Variants in CLASP1 observed in about 807,000 individuals in gnomAD.
CLASP1 encodes the protein CLIP-associating protein 1.
CLASP1 carries 38 observed loss-of-function variants against 192.3 expected under a neutral mutation model. The observed-to-expected ratio is 0.20, with a 90% CI of 0.15 to 0.26. The LOEUF (loss-of-function observed/expected upper bound fraction) is 0.26. CLASP1 is among the 10% of genes least tolerant of loss of function. The pLI, the probability that CLASP1 is intolerant of heterozygous loss-of-function variation, is 1.00. For synonymous variants in CLASP1, 691 were observed against 712.8 expected (o/e 0.97, Z 0.49); for missense variants, 1,433 against 1,932.5 (o/e 0.74, Z 4.85).
rs1403509574 is a variant in CLASP1 at position 121,629,007 on chromosome 2, A to G, written c.-286+20365T>C. Among the ~76,000 whole-genome samples, 4 of 151,992 alleles carry G rather than the reference A, an allele frequency of 2.6e-5. No individual in the cohort carries two copies. The East Asian group carries it at 7.7e-4, about 29-fold the overall frequency. On this transcript the variant is annotated intron_variant, in intron 1 of 39. Transcript: ENST00000263710. ...TTTGGTCATCCTTTTTTAATGAAAT[A>G]ATCCTAAATGTTAACGAACAGGGAA...
At chr2:121,365,427 C>T (rs368224720) in intron 35 of CLASP1, 143 bp from the exon 37 acceptor site, 11 of 769,274 alleles carry the variant, frequency 1.4e-5, no homozygotes, top group South Asian at 1.3e-4. Flanking sequence ...CCACCCTCCG[C>T]CCTGCTTCGC....
chr2:121,571,320 T>A (rs980163819), intron 2 of CLASP1, among the ~76,000 whole-genome samples: 2 of 152,036 alleles, frequency 1.3e-5, no homozygotes, highest in Non-Finnish European at 2.9e-5. Context: ...GGATTGTAGG[T>A]GTGTGCCACC....
chr2:121,348,302 G>A (rs1197085581), intron 38 of CLASP1, among the ~76,000 whole-genome samples: 1 of 152,194 alleles, frequency 6.6e-6, no homozygotes, highest in African/African-American at 2.4e-5. Context: ...GAGCTGCCAG[G>A]AAAGCATTCT....
chr2:121,352,801 G>A (rs1230532444), intron 37 of CLASP1, among the ~76,000 whole-genome samples: 5 of 151,916 alleles, frequency 3.3e-5, no homozygotes, highest in East Asian at 1.9e-4. Context: ...TTACAGGTGC[G>A]TGCCACCACA....
chr2:121,376,300 C>T (rs2070113272), intron 34 of CLASP1, among the ~76,000 whole-genome samples: 1 of 152,176 alleles, frequency 6.6e-6, no homozygotes, highest in Admixed American at 6.5e-5. Context: ...CAAATGAATG[C>T]ATAAAGCAAA....
At chr2:121,571,321 G>A (rs927268467) in intron 2 of CLASP1, among the ~76,000 whole-genome samples, 1 of 152,048 alleles carries the variant, frequency 6.6e-6, no homozygotes, top group Non-Finnish European at 1.5e-5. Flanking sequence ...GATTGTAGGT[G>A]TGTGCCACCA....
intron 19 of CLASP1, among the ~76,000 whole-genome samples, chr2:121,438,476 G>A (rs568707628): frequency 6.6e-6 from 1 of 152,108 alleles, no homozygotes; most frequent in African/African-American, 2.4e-5. Context: ...TGTCAATGCT[G>A]GCTTAATGCC....
At chr2:121,627,978 T>A (rs2068698522) in intron 1 of CLASP1, among the ~76,000 whole-genome samples, 1 of 152,214 alleles carries the variant, frequency 6.6e-6, no homozygotes. Context: ...TATGAAATAC[T>A]GTGAAATTTC....
At chr2:121,639,014 C>T (rs1035112581) in intron 1 of CLASP1, among the ~76,000 whole-genome samples, 8 of 152,234 alleles carry the variant, frequency 5.3e-5, no homozygotes, top group South Asian at 2.1e-4. Context: ...CGGTGGCTCA[C>T]GCCTGTAATC....
chr2:121,507,946 A>G (rs943936167), intron 7 of CLASP1, among the ~76,000 whole-genome samples: 1 of 152,198 alleles, frequency 6.6e-6, no homozygotes, highest in African/African-American at 2.4e-5. Flanking sequence ...ACTATTCACC[A>G]AAAACAAAAG....
intron 36 of CLASP1, chr2:121,364,190 G>A (rs1278536754): frequency 3.3e-5 from 5 of 152,136 alleles, no homozygotes; most frequent in Admixed American, 6.6e-5. Flanking sequence ...GAGTCACCAC[G>A]GCATGGCATG....
chr2:121,461,282 ATGG>A, intron 10 of CLASP1, 89 bp from the exon 11 acceptor site: 4 of 695,576 alleles, frequency 5.8e-6, no homozygotes, highest in Non-Finnish European at 9.6e-6. Context: ...AACATTAAGT[ATGG>A]TAAAAGAAAT....
chr2:121,485,022 AAC>A (rs1187140772), intron 8 of CLASP1, among the ~76,000 whole-genome samples: 4 of 152,208 alleles, frequency 2.6e-5, no homozygotes, highest in Non-Finnish European at 5.9e-5. Context: ...GAAGAAAAAG[AAC>A]AGTGTTCTGT....
intron 11 of CLASP1, among the ~76,000 whole-genome samples, chr2:121,460,864 CCA>C (rs1341224362): frequency 6.6e-6 from 1 of 152,126 alleles, no homozygotes; most frequent in African/African-American, 2.4e-5. Flanking sequence ...ACCATACATT[CCA>C]CAGTCAGGTC....
intron 37 of CLASP1, among the ~76,000 whole-genome samples, chr2:121,350,141 C>T (rs2064093949): frequency 6.6e-6 from 1 of 152,274 alleles, no homozygotes; most frequent in African/African-American, 2.4e-5. Flanking sequence ...CCAGCCCTGA[C>T]TGGGCTAGTC....
At chr2:121,340,703 G>C (rs2062683706) in exon 40 of CLASP1, 3 of 605,944 alleles carry the variant, frequency 5.0e-6, no homozygotes, top group Non-Finnish European at 8.8e-6. Flanking sequence ...ATACCAGTAA[G>C]ATTCTACAGA....
chr2:121,646,773 C>T (rs2073240028), intron 1 of CLASP1, among the ~76,000 whole-genome samples: 1 of 152,168 alleles, frequency 6.6e-6, no homozygotes, highest in Non-Finnish European at 1.5e-5. Context: ...CGTGGTGGCT[C>T]ACGCCTGTAA....
intron 8 of CLASP1, among the ~76,000 whole-genome samples, chr2:121,486,031 A>C (rs565777321): frequency 8.8e-4 from 134 of 152,316 alleles, no homozygotes; most frequent in Non-Finnish European, 1.4e-3. Context: ...GAGGAAAGTG[A>C]AGTGCATTCT....
chr2:121,347,929 T>C (rs2063665665), intron 38 of CLASP1, among the ~76,000 whole-genome samples: 1 of 150,504 alleles, frequency 6.6e-6, no homozygotes, highest in African/African-American at 2.4e-5. Context: ...ACCTCTTCTA[T>C]GAACCCTCTC....
Sources: allele counts gnomAD v4.1 joint callset (sites outside exome capture counted in the v4.1 genomes callset), GRCh38; gene constraint gnomAD v4.1.1; transcripts MANE v1.5; gene names NCBI Gene and HGNC (gene_info 2026-07-23, HGNC 2026-07-21).